PLPBP: variants seen among roughly 807,000 people sequenced by gnomAD.
PLPBP encodes the protein pyridoxal phosphate homeostasis protein.
Under a neutral mutation model 31.2 loss-of-function variants are expected in PLPBP, and 21 were observed. The observed-to-expected ratio is 0.67, with a 90% CI of 0.48 to 0.97. The LOEUF (loss-of-function observed/expected upper bound fraction) is 0.97, where lower values mean the gene tolerates loss of function less well. Among genes scored for constraint, PLPBP ranks in the 50% least tolerant of loss-of-function variants. The probability of loss-of-function intolerance (pLI) is 0.00; values close to 1 mark genes in which losing one functional copy is unlikely to be tolerated. For synonymous variants in PLPBP, 124 were observed against 135.6 expected, an observed-to-expected ratio of 0.91 and a Z score of 0.59; for missense variants, 308 against 354.4, an observed-to-expected ratio of 0.87 and a Z score of 1.05.
At chr8:37,774,357 A>G (rs930483988) in intron 5 of PLPBP, among the ~76,000 whole-genome samples, 4 of 152,238 alleles carry the variant, frequency 2.6e-5, no homozygotes, top group Non-Finnish European at 4.4e-5. Flanking sequence ...ACTACTTTCC[A>G]GTATTGTAAC....
In PLPBP at chr8:37,779,146, G is replaced by C. The variant is rs796821431; in HGVS notation, c.*1042G>C. Reference sequence around the variant, plus strand: ...TTAAAGGATAACATAAGGAGGACTTGGGCCTTTCTGACATCATCCTGAAGA... The same window carrying C: ...TTAAAGGATAACATAAGGAGGACTTCGGCCTTTCTGACATCATCCTGAAGA... On this transcript the variant is annotated 3_prime_UTR_variant, in exon 8 of 8. Transcript: ENST00000328195. 2.0e-5 allele frequency: 3 copies of C among 152,212 alleles called. 1 individual carries two copies. The highest frequency in any genetic ancestry group is 7.2e-5 in the African/African-American group (3 of 41,514). The allele number at this position is 152,212 out of a possible 1,614,324, so 9.4% of individuals were successfully genotyped here. A position where few individuals can be genotyped will look rare whatever the true frequency, so the allele number is the denominator to read the frequency against.
At chr8:37,771,438 C>T (rs1329572523) in intron 4 of PLPBP, among the ~76,000 whole-genome samples, 1 of 152,122 alleles carries the variant, frequency 6.6e-6, no homozygotes, top group African/African-American at 2.4e-5. Flanking sequence ...CAATGCCTAG[C>T]CATCTCTGGC....
chr8:37,773,406 G>T (rs2129802342), intron 5 of PLPBP, among the ~76,000 whole-genome samples: 1 of 151,324 alleles, frequency 6.6e-6, no homozygotes, highest in South Asian at 2.1e-4. Flanking sequence ...GACCTCTCAA[G>T]TGATCCACCC....
intron 7 of PLPBP, among the ~76,000 whole-genome samples, chr8:37,776,427 G>C (rs1488022264): frequency 6.8e-6 from 1 of 147,988 alleles, no homozygotes; most frequent in Admixed American, 6.7e-5. Context: ...AGTGAGCCGA[G>C]GTCGCGCCAC....
intron 4 of PLPBP, among the ~76,000 whole-genome samples, chr8:37,771,602 G>T (rs529591166): frequency 1.3e-5 from 2 of 152,132 alleles, no homozygotes; most frequent in Admixed American, 1.3e-4. Context: ...AAGATTGCTT[G>T]AGTAAATACT....
At chr8:37,772,590 G>C (rs1803801205) in intron 4 of PLPBP, among the ~76,000 whole-genome samples, 165 bp from the exon 5 acceptor site, 2 of 152,182 alleles carry the variant, frequency 1.3e-5, no homozygotes, top group Admixed American at 1.3e-4. Flanking sequence ...ATTTGAATTT[G>C]TATCTAGTAA....
In PLPBP at chr8:37,776,021, G is replaced by A; in HGVS notation, c.696+5G>A. 1 of 1,612,348 alleles carries A rather than the reference G, an allele frequency of 6.2e-7. No homozygotes were observed. On this transcript the variant is annotated splice_donor_5th_base_variant and intron_variant, in intron 7 of 7. Transcript: ENST00000328195. Reference sequence around the variant, plus strand: ...TCCGCGGATTTCCAGCATGCGGTGAGTGTCCTGCCAGTGCCCTGTCTGCCT... The same window carrying A: ...TCCGCGGATTTCCAGCATGCGGTGAATGTCCTGCCAGTGCCCTGTCTGCCT...
chr8:37,765,900 C>T (rs574733102), intron 3 of PLPBP, among the ~76,000 whole-genome samples, 154 bp downstream of exon 3: 1 of 152,128 alleles, frequency 6.6e-6, no homozygotes, highest in Non-Finnish European at 1.5e-5. Context: ...TCCTTGAGCC[C>T]CAAGTAATTC....
At chr8:37,770,668 C>T (rs1216483110) in intron 4 of PLPBP, among the ~76,000 whole-genome samples, 2 of 152,176 alleles carry the variant, frequency 1.3e-5, no homozygotes, top group Non-Finnish European at 2.9e-5. Flanking sequence ...ACCTCCATCT[C>T]CTGGGTTCAA....
In PLPBP at chr8:37,764,889, C is replaced by T. The variant is rs567319349; in HGVS notation, c.100-637C>T. 6.6e-5 allele frequency among the ~76,000 whole-genome samples: 10 copies of T among 152,260 alleles called. No individual in the cohort carries two copies. In the South Asian group the frequency reaches 1.9e-3, roughly 28 times the overall value. On this transcript the variant is annotated intron_variant, in intron 1 of 7. Coordinates refer to ENST00000328195, the MANE Select transcript of PLPBP (RefSeq NM_007198.4). ...AGAGATTGTTAAAAAGGAAATTCTCCGCTGGGCACAGTGGCTCATGCCTGT... is the reference window on the plus strand; with the variant it reads ...AGAGATTGTTAAAAAGGAAATTCTCTGCTGGGCACAGTGGCTCATGCCTGT...
At chr8:37,770,861 G>A (rs957093594) in intron 4 of PLPBP, among the ~76,000 whole-genome samples, 12 of 152,312 alleles carry the variant, frequency 7.9e-5, no homozygotes, top group African/African-American at 2.9e-4. Context: ...GCAGGTGTGA[G>A]CCACTGCACC....
intron 1 of PLPBP, among the ~76,000 whole-genome samples, chr8:37,765,256 A>C (rs1803593204): frequency 6.6e-6 from 1 of 152,250 alleles, no homozygotes; most frequent in African/African-American, 2.4e-5. Flanking sequence ...TACTGCTTTA[A>C]CTTGCCCGGC....
In PLPBP at chr8:37,762,705, G is replaced by T. The variant is rs139294873; in HGVS notation, c.46G>T (p.Ala16Ser). Reference sequence around the variant, plus strand: ...GTCGGCCGAGCTGGGAGTCGGGTGCGCATTGCGGGCGGTGAACGAGCGCGT... The same window carrying T: ...GTCGGCCGAGCTGGGAGTCGGGTGCTCATTGCGGGCGGTGAACGAGCGCGT... The part of the protein sequence containing the change: ...SMSAELGVGC[A>S]LRAVNERVQQ... The change falls in exon 1 of 8, where the codon GCA (alanine) becomes TCA (serine). Residue 16 changes from alanine (A) to serine (S), a missense_variant. Coordinates refer to ENST00000328195, the MANE Select transcript of PLPBP (RefSeq NM_007198.4). 1.3e-4 allele frequency: 210 copies of T among 1,590,856 alleles called. No homozygotes were observed. The African/African-American group carries it at 2.6e-3, about 19-fold the overall frequency.
At chr8:37,772,963 CAA>C in intron 5 of PLPBP, 74 bp downstream of exon 5, 1 of 1,563,800 alleles carries the variant, frequency 6.4e-7, no homozygotes, top group Non-Finnish European at 8.8e-7. Context: ...TGGGTGGGCC[CAA>C]GTGTCTGATG....
At chr8:37,767,001 C>G (rs1225869066) in intron 4 of PLPBP, among the ~76,000 whole-genome samples, 1 of 131,690 alleles carries the variant, frequency 7.6e-6, no homozygotes, top group Non-Finnish European at 1.5e-5. Context: ...GATCCAAGAT[C>G]ACGCCACTGC....
At chr8:37,771,331 G>A (rs1259077966) in intron 4 of PLPBP, among the ~76,000 whole-genome samples, 2 of 152,034 alleles carry the variant, frequency 1.3e-5, no homozygotes, top group East Asian at 3.9e-4. Context: ...ATAGAGACAG[G>A]GTTTCACCAT....
chr8:37,777,308 A>G (rs77902841), intron 7 of PLPBP, among the ~76,000 whole-genome samples: 2 of 152,348 alleles, frequency 1.3e-5, no homozygotes, highest in African/African-American at 2.4e-5. Context: ...TCAGATAATT[A>G]TAAGGATATT....
At chr8:37,774,828 A>G (rs1803860077) in intron 5 of PLPBP, 1 of 154,352 alleles carries the variant, frequency 6.5e-6, no homozygotes. Context: ...TTATAACTGT[A>G]TAACAAATAA....
chr8:37,770,452 A>C (rs141381050), intron 4 of PLPBP, among the ~76,000 whole-genome samples: 3 of 152,252 alleles, frequency 2.0e-5, no homozygotes, highest in Non-Finnish European at 4.4e-5. Context: ...CTAGACTCCT[A>C]TCTCTCACCA....
Sources: allele counts gnomAD v4.1 joint callset (sites outside exome capture counted in the v4.1 genomes callset), GRCh38; gene constraint gnomAD v4.1.1; transcripts MANE v1.5; gene names NCBI Gene and HGNC (gene_info 2026-07-23, HGNC 2026-07-21).